The following CACNA1E variants were observed in gnomAD, a reference collection of about 807,000 sequenced individuals.
The protein encoded by CACNA1E is voltage-dependent R-type calcium channel subunit alpha-1E.
CACNA1E carries 40 observed loss-of-function variants against 259.2 expected under a neutral mutation model. That is an observed-to-expected ratio of 0.15 (90% confidence interval 0.12 to 0.20). The LOEUF is 0.20. Ranked by LOEUF, CACNA1E falls within the 10% of genes least tolerant of loss-of-function variation. CACNA1E has a pLI of 1.00. For missense variants in CACNA1E, 1,874 were observed against 3,040.1 expected (o/e 0.62, Z 9.02); for synonymous variants, 1,104 against 1,138.5 (o/e 0.97, Z 0.61).
chr1:181,710,824 G>A (rs1653276152), intron 7 of CACNA1E, 130 bp from the exon 8 acceptor site: 3 of 659,274 alleles, frequency 4.6e-6, no homozygotes, highest in Admixed American at 2.4e-5. Flanking sequence ...TGCAGCCTGG[G>A]TCAGGGGAAA....
At chr1:181,602,312 C>T (rs552082387) in intron 6 of CACNA1E, among the ~76,000 whole-genome samples, 2 of 152,296 alleles carry the variant, frequency 1.3e-5, no homozygotes, top group South Asian at 2.1e-4. Context: ...GATTGAGTTA[C>T]TTTTCATTGG....
upstream of CACNA1E, among the ~76,000 whole-genome samples, chr1:181,482,865 G>T (rs1663409023): frequency 6.6e-6 from 1 of 152,256 alleles, no homozygotes; most frequent in African/African-American, 2.4e-5. Flanking sequence ...GCCGCGGATC[G>T]CTGTTGCATG....
intron 1 of CACNA1E, among the ~76,000 whole-genome samples, chr1:181,321,727 G>A (rs1364166193): frequency 6.6e-6 from 1 of 152,192 alleles, no homozygotes; most frequent in Non-Finnish European, 1.5e-5. Flanking sequence ...GAACAGCATG[G>A]CTGGGGGGAA....
At chr1:181,610,152 A>G (rs1654621129) in intron 6 of CACNA1E, among the ~76,000 whole-genome samples, 1 of 152,212 alleles carries the variant, frequency 6.6e-6, no homozygotes, top group African/African-American at 2.4e-5. Context: ...ATGTTGTACA[A>G]GAGAAAGGAT....
At position 181,805,767 on chromosome 1, in the gene CACNA1E, A is replaced by G. The variant is rs1662584356; in HGVS notation, c.*6933A>G. On this transcript the variant is annotated 3_prime_UTR_variant, in exon 48 of 48. Coordinates refer to ENST00000367573, the MANE Select transcript of CACNA1E (RefSeq NM_001205293.3). ...CAACTCCGCTCAAACTGAGTCCAAGATTTGAATTCATCCAGAAAAACAAAT... is the reference window on the plus strand; with the variant it reads ...CAACTCCGCTCAAACTGAGTCCAAGGTTTGAATTCATCCAGAAAAACAAAT... 1 of 152,202 alleles carries G rather than the reference A, an allele frequency of 6.6e-6. No individual in the cohort carries two copies. Among genetic ancestry groups the G allele is most frequent in the African/African-American group, 2.4e-5 (1 of 41,448 alleles). 9.4% of individuals were successfully genotyped at this position (152,202 alleles called of 1,614,324 possible).
chr1:181,777,671 C>T (rs967885809), intron 38 of CACNA1E, among the ~76,000 whole-genome samples: 1 of 152,162 alleles, frequency 6.6e-6, no homozygotes, highest in African/African-American at 2.4e-5. Flanking sequence ...GCTTCTTTAC[C>T]TGTAAAATGG....
intron 22 of CACNA1E, 130 bp downstream of exon 22, chr1:181,736,564 C>T: frequency 1.2e-6 from 1 of 842,758 alleles, no homozygotes; most frequent in Non-Finnish European, 1.8e-6. Context: ...TGGAGCATGG[C>T]CAGACATTGA....
rs182600862 is a variant in CACNA1E, at chr1:181,375,445, G to C, written c.-14-37688G>C. Among the ~76,000 whole-genome samples, 479 of 152,314 alleles carry C rather than the reference G, an allele frequency of 3.1e-3. 3 individuals carry two copies. Among genetic ancestry groups the C allele is most frequent in the African/African-American group, 0.011 (466 of 41,566 alleles). ...CCAAGACCTCTGGGGATATCTGATAGAGTCTGCTAAGAGGAGAAACTTGAG... is the reference window on the plus strand; with the variant it reads ...CCAAGACCTCTGGGGATATCTGATACAGTCTGCTAAGAGGAGAAACTTGAG... On this transcript the variant is annotated intron_variant, in intron 1 of 11. Coordinates refer to the CACNA1E transcript ENST00000524607.
rs1020164993 is a variant in CACNA1E, at chr1:181,801,954, G to A, written c.*3120G>A. On this transcript the variant is annotated 3_prime_UTR_variant, in exon 48 of 48. Coordinates refer to ENST00000367573, the MANE Select transcript of CACNA1E (RefSeq NM_001205293.3). Reference sequence around the variant, plus strand: ...CCAAGGCAGGGAGATGTTCTAAGTAGGTTTGCATTTAGTTACCCCTCATTT... The same window carrying A: ...CCAAGGCAGGGAGATGTTCTAAGTAAGTTTGCATTTAGTTACCCCTCATTT... 1.4e-5 allele frequency: 2 copies of A among 147,312 alleles called. No individual in the cohort carries two copies. Among genetic ancestry groups the A allele is most frequent in the Admixed American group, 1.4e-4 (2 of 14,566 alleles). 9.1% of individuals were successfully genotyped at this position (147,312 alleles called of 1,614,324 possible). A position where few individuals can be genotyped will look rare whatever the true frequency, so the allele number is the denominator to read the frequency against.
intron 7 of CACNA1E, among the ~76,000 whole-genome samples, chr1:181,684,876 C>CTTT (rs34538225): frequency 0.01 from 1,400 of 135,090 alleles, 25 homozygotes; most frequent in African/African-American, 0.035. Flanking sequence ...TTTTTAAATC[C>CTTT]TTTTTTTTTT....
At chr1:181,721,131 C>A (rs1480092698) in intron 15 of CACNA1E, among the ~76,000 whole-genome samples, 1 of 152,188 alleles carries the variant, frequency 6.6e-6, no homozygotes, top group African/African-American at 2.4e-5. Context: ...CTGAGGCATT[C>A]AGCCAAGAAT....
chr1:181,711,785 G>C (rs1030915268), intron 8 of CACNA1E, among the ~76,000 whole-genome samples: 2 of 152,112 alleles, frequency 1.3e-5, no homozygotes, highest in African/African-American at 4.8e-5. Context: ...GAAGGGGGAA[G>C]GAATAGGGAG....
chr1:181,497,414 G>A (rs650707), intron 1 of CACNA1E, among the ~76,000 whole-genome samples: 59,018 of 151,976 alleles, frequency 0.39, 13,758 homozygotes, highest in African/African-American at 0.66. Flanking sequence ...TCTTACCTTC[G>A]TGTCTTTTTA....
At chr1:181,750,166 C>T (rs962005573) in intron 25 of CACNA1E, among the ~76,000 whole-genome samples, 1 of 152,262 alleles carries the variant, frequency 6.6e-6, no homozygotes, top group African/African-American at 2.4e-5. Context: ...ATGGAAATAA[C>T]ACACAATACC....
At chr1:181,424,886 G>C (rs1401459343) in intron 2 of CACNA1E, among the ~76,000 whole-genome samples, 1 of 152,056 alleles carries the variant, frequency 6.6e-6, no homozygotes, top group Non-Finnish European at 1.5e-5. Context: ...AGGCTCAGGT[G>C]AATCAGTCCC....
At chr1:181,354,108 T>C (rs114075189) in intron 1 of CACNA1E, among the ~76,000 whole-genome samples, 157 of 152,056 alleles carry the variant, frequency 1.0e-3, no homozygotes, top group African/African-American at 3.7e-3. Flanking sequence ...AATATCTATC[T>C]CTATATCAGA....
intron 6 of CACNA1E, among the ~76,000 whole-genome samples, chr1:181,599,920 AG>A (rs1201851287): frequency 1.3e-5 from 2 of 152,264 alleles, no homozygotes; most frequent in Non-Finnish European, 2.9e-5. Flanking sequence ...GTGAAGAACA[AG>A]CAAAATCAGT....
At chr1:181,555,144 C>T (rs867591398) in intron 3 of CACNA1E, among the ~76,000 whole-genome samples, 1 of 152,206 alleles carries the variant, frequency 6.6e-6, no homozygotes, top group Non-Finnish European at 1.5e-5. Context: ...TATCTCCTAT[C>T]CAAGTTTCAC....
chr1:181,370,894 G>A (rs1654652637), intron 1 of CACNA1E, among the ~76,000 whole-genome samples: 1 of 152,112 alleles, frequency 6.6e-6, no homozygotes, highest in Non-Finnish European at 1.5e-5. Context: ...TCTACCATCA[G>A]CATATAAGTA....
Sources: gnomAD v4.1 joint callset for allele counts (sites outside exome capture counted in the v4.1 genomes callset) on GRCh38, gnomAD v4.1.1 for gene constraint, MANE v1.5 for transcripts, NCBI Gene and HGNC (gene_info 2026-07-23, HGNC 2026-07-21) for gene names.